DTNB: variants seen among roughly 807,000 people sequenced by gnomAD.
DTNB encodes the protein DTN-B.
DTNB carries 63 observed loss-of-function variants against 90.7 expected under a neutral mutation model. The observed-to-expected ratio is 0.69, with a 90% confidence interval of 0.57 to 0.86. The LOEUF is 0.86. Among genes scored for constraint, DTNB ranks in the 40% least tolerant of loss-of-function variants. The pLI, the probability that DTNB is intolerant of heterozygous loss-of-function variation, is 0.00. For missense variants in DTNB, 744 were observed against 807.1 expected (o/e 0.92, Z 0.95); for synonymous variants, 277 against 286.7 (o/e 0.97, Z 0.34).
intron 5 of DTNB, among the ~76,000 whole-genome samples, chr2:25,598,196 ATTCCC>A (rs1312848538): frequency 6.6e-6 from 1 of 152,120 alleles, no homozygotes; most frequent in East Asian, 1.9e-4. Context: ...CTTGTTCCTT[ATTCCC>A]TTCCTCCTTC....
chr2:25,483,743 G>C (rs762041043), intron 9 of DTNB, among the ~76,000 whole-genome samples: 3 of 152,080 alleles, frequency 2.0e-5, no homozygotes, highest in Non-Finnish European at 2.9e-5. Context: ...AGCTACAAAA[G>C]GGTTCTGTCT....
chr2:25,570,480 G>A (rs73922431), intron 8 of DTNB, among the ~76,000 whole-genome samples: 9,008 of 149,930 alleles, frequency 0.06, 870 homozygotes, highest in African/African-American at 0.21. Context: ...TTCATTAGGA[G>A]ACTTAGCTAT....
intron 9 of DTNB, among the ~76,000 whole-genome samples, chr2:25,527,519 C>CA (rs948516000): frequency 1.1e-4 from 13 of 120,348 alleles, no homozygotes; most frequent in Admixed American, 1.7e-4. Flanking sequence ...GACTCTGTCT[C>CA]AAAAAAAAAA....
At chr2:25,627,872 G>A (rs1434180198) in intron 4 of DTNB, among the ~76,000 whole-genome samples, 2 of 151,718 alleles carry the variant, frequency 1.3e-5, no homozygotes, top group Admixed American at 6.6e-5. Flanking sequence ...AAGTAGCTGA[G>A]ACTACAGGCG....
chr2:25,607,182 T>C (rs2067292149), intron 5 of DTNB, 54 bp downstream of exon 5: 2 of 1,522,804 alleles, frequency 1.3e-6, no homozygotes, highest in South Asian at 1.2e-5. Flanking sequence ...ACAATATTCA[T>C]TTAAAAGTCC....
intron 9 of DTNB, among the ~76,000 whole-genome samples, chr2:25,503,934 A>G (rs1456277520): frequency 6.6e-6 from 1 of 151,596 alleles, no homozygotes; most frequent in East Asian, 2.0e-4. Context: ...AGAAAAAAAA[A>G]AACAGTTTTA....
intron 3 of DTNB, among the ~76,000 whole-genome samples, chr2:25,635,828 G>C (rs766408852): frequency 6.6e-6 from 1 of 152,326 alleles, no homozygotes; most frequent in Non-Finnish European, 1.5e-5. Context: ...AAAGTAGGAA[G>C]ACTTGCCTTG....
At chr2:25,632,041 A>T (rs1422208296) in intron 3 of DTNB, among the ~76,000 whole-genome samples, 1 of 151,970 alleles carries the variant, frequency 6.6e-6, no homozygotes, top group African/African-American at 2.4e-5. Flanking sequence ...CTAAAAATAC[A>T]AAAATTAGCC....
At chr2:25,592,966 T>C (rs533307420) in intron 6 of DTNB, among the ~76,000 whole-genome samples, 27 of 152,320 alleles carry the variant, frequency 1.8e-4, no homozygotes, top group South Asian at 1.2e-3. Context: ...ACTTCCAAAA[T>C]AGATCGGTTT....
intron 10 of DTNB, among the ~76,000 whole-genome samples, chr2:25,470,859 C>T (rs2062667601): frequency 6.6e-6 from 1 of 152,096 alleles, no homozygotes; most frequent in South Asian, 2.1e-4. Flanking sequence ...AAATAATTCT[C>T]AGCAAATTAA....
chr2:25,426,020 A>G (rs1000132682), intron 15 of DTNB, among the ~76,000 whole-genome samples: 12 of 152,322 alleles, frequency 7.9e-5, no homozygotes, highest in African/African-American at 2.9e-4. Context: ...GTGAGCTATG[A>G]TCACGCCACA....
chr2:25,553,469 G>A (rs529203930), intron 8 of DTNB, among the ~76,000 whole-genome samples: 1 of 152,076 alleles, frequency 6.6e-6, no homozygotes, highest in South Asian at 2.1e-4. Context: ...TGGGTGCGGT[G>A]GCTCATGCTT....
intron 11 of DTNB, among the ~76,000 whole-genome samples, chr2:25,453,668 A>G (rs1227396396): frequency 6.6e-6 from 1 of 152,192 alleles, no homozygotes; most frequent in Non-Finnish European, 1.5e-5. Flanking sequence ...GCCTTTAGTG[A>G]TAATAAAGAA....
intron 2 of DTNB, among the ~76,000 whole-genome samples, chr2:25,649,335 G>A (rs35129124): frequency 0.44 from 66,929 of 151,864 alleles, 15,853 homozygotes; most frequent in East Asian, 0.77. Flanking sequence ...TAACCTCTGC[G>A]GCCCTAACCA....
intron 16 of DTNB, chr2:25,419,245 T>C (rs895151738): frequency 1.1e-5 from 6 of 553,924 alleles, no homozygotes; most frequent in African/African-American, 9.4e-5. Flanking sequence ...GAAAATGCAA[T>C]GGTAGCCTGG....
At chr2:25,660,705 T>C (rs961688002) in intron 1 of DTNB, among the ~76,000 whole-genome samples, 2 of 152,196 alleles carry the variant, frequency 1.3e-5, no homozygotes, top group Non-Finnish European at 2.9e-5. Flanking sequence ...TTTAACGCTG[T>C]ATAATTCCAA....
chr2:25,455,570 G>A (rs944306895), intron 10 of DTNB, 76 bp from the exon 11 acceptor site: 24 of 1,283,680 alleles, frequency 1.9e-5, no homozygotes, highest in Non-Finnish European at 2.4e-5. Context: ...GGATTAAAAT[G>A]AGCAAACTTC....
chr2:25,438,673 G>C (rs548817686), intron 12 of DTNB, among the ~76,000 whole-genome samples: 9 of 152,348 alleles, frequency 5.9e-5, no homozygotes, highest in African/African-American at 1.7e-4. Context: ...CCCTCAAGGA[G>C]GTGAAGCCTA....
At chr2:25,500,113 G>A (rs1575137773) in intron 9 of DTNB, among the ~76,000 whole-genome samples, 1 of 151,846 alleles carries the variant, frequency 6.6e-6, no homozygotes, top group Non-Finnish European at 1.5e-5. Flanking sequence ...TGTGGCCAGG[G>A]CTGGTCTTGA....
Sources: allele counts gnomAD v4.1 joint callset (sites outside exome capture counted in the v4.1 genomes callset), GRCh38; gene constraint gnomAD v4.1.1; transcripts MANE v1.5; gene names NCBI Gene and HGNC (gene_info 2026-07-23, HGNC 2026-07-21).